The following PLSCR4 variants were observed in gnomAD, a reference collection of about 807,000 sequenced individuals.
PLSCR4 encodes the protein phospholipid scramblase 4.
PLSCR4 carries 25 observed loss-of-function variants against 36.3 expected under a neutral mutation model. That is an observed-to-expected ratio of 0.69 (90% CI 0.50 to 0.96). The LOEUF (loss-of-function observed/expected upper bound fraction) is 0.96. Among genes scored for constraint, PLSCR4 ranks in the 40% least tolerant of loss-of-function variants. The pLI is 0.00. For missense variants in PLSCR4, 408 were observed against 414.7 expected, an observed-to-expected ratio of 0.98 and a Z score of 0.14; for synonymous variants, 122 against 132.9, an observed-to-expected ratio of 0.92 and a Z score of 0.56.
chr3:146,236,906 GAAGA>G (rs1230544826), intron 1 of PLSCR4, among the ~76,000 whole-genome samples: 1 of 152,046 alleles, frequency 6.6e-6, no homozygotes, highest in Non-Finnish European at 1.5e-5. Flanking sequence ...ACACTAATAA[GAAGA>G]AAGAATGTAA....
At chr3:146,224,209 A>G (rs1432172046) in intron 1 of PLSCR4, among the ~76,000 whole-genome samples, 3 of 152,176 alleles carry the variant, frequency 2.0e-5, no homozygotes, top group Non-Finnish European at 2.9e-5. Flanking sequence ...AAGAATGAAA[A>G]CTTGCCTAAT....
At chr3:146,205,970 T>C (rs1019691514) in intron 4 of PLSCR4, among the ~76,000 whole-genome samples, 3 of 152,038 alleles carry the variant, frequency 2.0e-5, no homozygotes, top group Non-Finnish European at 2.9e-5. Flanking sequence ...TCTACATAGA[T>C]GTTAATTAGG....
intron 6 of PLSCR4, among the ~76,000 whole-genome samples, chr3:146,198,097 A>G (rs2033846996): frequency 6.6e-6 from 1 of 152,162 alleles, no homozygotes; most frequent in Admixed American, 6.6e-5. Flanking sequence ...ATACTATATG[A>G]TTCTGCTAAA....
chr3:146,209,190 G>GT (rs1028643836), intron 3 of PLSCR4, among the ~76,000 whole-genome samples: 8 of 152,054 alleles, frequency 5.3e-5, no homozygotes, highest in African/African-American at 1.9e-4. Flanking sequence ...GTTCTCACAC[G>GT]TAAGTGGGAG....
chr3:146,210,699 T>A (rs35187466), intron 3 of PLSCR4, among the ~76,000 whole-genome samples: 51,060 of 151,810 alleles, frequency 0.34, 9,018 homozygotes, highest in South Asian at 0.45. Flanking sequence ...AACCCAGAAT[T>A]TTCATCATAC....
At chr3:146,219,160 T>C (rs2035027511) in intron 3 of PLSCR4, among the ~76,000 whole-genome samples, 2 of 152,218 alleles carry the variant, frequency 1.3e-5, no homozygotes, top group South Asian at 4.1e-4. Flanking sequence ...GTCTGCACTA[T>C]AATATTTTTA....
At chr3:146,242,202 G>A (rs1022097092) in intron 1 of PLSCR4, among the ~76,000 whole-genome samples, 8 of 152,134 alleles carry the variant, frequency 5.3e-5, no homozygotes, top group Admixed American at 3.3e-4. Flanking sequence ...CATGTTGCTC[G>A]GTGGAGCTCT....
At chr3:146,210,164 GTTA>G (rs2034543846) in intron 3 of PLSCR4, among the ~76,000 whole-genome samples, 1 of 151,856 alleles carries the variant, frequency 6.6e-6, no homozygotes, top group South Asian at 2.1e-4. Flanking sequence ...TTGTTTTTGT[GTTA>G]TTTTTATTGT....
At chr3:146,213,478 C>T (rs2034730417) in intron 3 of PLSCR4, among the ~76,000 whole-genome samples, 1 of 151,712 alleles carries the variant, frequency 6.6e-6, no homozygotes, top group South Asian at 2.1e-4. Context: ...ATTACAGGCA[C>T]CTGTCAGCTA....
chr3:146,196,447 T>C, intron 7 of PLSCR4, 185 bp downstream of exon 7: 1 of 572,242 alleles, frequency 1.7e-6, no homozygotes, highest in East Asian at 2.8e-5. Context: ...AAAGCTTTCA[T>C]TTTGGAAAAC....
At chr3:146,213,424 C>T (rs1340164381) in intron 3 of PLSCR4, among the ~76,000 whole-genome samples, 5 of 148,390 alleles carry the variant, frequency 3.4e-5, no homozygotes, top group African/African-American at 9.9e-5. Flanking sequence ...TTCTGCATCC[C>T]GGGATCAAGC....
At chr3:146,208,048 T>C (rs538494612) in intron 3 of PLSCR4, among the ~76,000 whole-genome samples, 12 of 152,200 alleles carry the variant, frequency 7.9e-5, no homozygotes, top group African/African-American at 1.9e-4. Flanking sequence ...TATAAGGACA[T>C]AGTCACCAAA....
In PLSCR4 at chr3:146,194,423, T is replaced by C. The variant is rs184303479; in HGVS notation, c.978A>G (p.Gln326=). The C allele has an allele frequency of 8.7e-6, 14 of 1,607,982 alleles. No homozygotes were observed. Among genetic ancestry groups the C allele is most frequent in the Middle Eastern group, 1.7e-4 (1 of 6,038 alleles). The change falls in exon 9 of 9, where the codon CAA becomes CAG. Residue 326 remains glutamine, a synonymous_variant. Transcript: ENST00000354952. ...DFMYFERSPP[Q]RSR ...TTGCTGTGTCTCTCTATCTTGAACG[T>C]TGTGGTGGAGATCTTTCAAAATACA...
intron 3 of PLSCR4, among the ~76,000 whole-genome samples, chr3:146,219,574 T>C (rs192771982): frequency 1.3e-5 from 2 of 152,176 alleles, no homozygotes; most frequent in African/African-American, 4.8e-5. Flanking sequence ...CAGAAAACAC[T>C]GTAGGTGCAG....
intron 7 of PLSCR4, among the ~76,000 whole-genome samples, chr3:146,196,120 A>G (rs1193259547): frequency 6.6e-6 from 1 of 152,140 alleles, no homozygotes; most frequent in Non-Finnish European, 1.5e-5. Context: ...TTTTCTTTTT[A>G]TTGAAAAAAA....
chr3:146,249,517 ACTGT>A (rs1467794232), intron 1 of PLSCR4, among the ~76,000 whole-genome samples: 1 of 152,012 alleles, frequency 6.6e-6, no homozygotes, highest in Non-Finnish European at 1.5e-5. Context: ...GGTCTACTGC[ACTGT>A]CTTTTAATCA....
chr3:146,248,744 A>G (rs1381199948), intron 1 of PLSCR4, among the ~76,000 whole-genome samples: 1 of 152,144 alleles, frequency 6.6e-6, no homozygotes, highest in Non-Finnish European at 1.5e-5. Context: ...TACACTTGGG[A>G]GCATGTTTTG....
At chr3:146,219,060 C>T (rs935671253) in intron 3 of PLSCR4, among the ~76,000 whole-genome samples, 3 of 152,178 alleles carry the variant, frequency 2.0e-5, no homozygotes, top group African/African-American at 7.2e-5. Flanking sequence ...CAATTTTTGT[C>T]AGTCTTCGTA....
chr3:146,217,980 G>A (rs748051735), intron 3 of PLSCR4, among the ~76,000 whole-genome samples: 63 of 152,218 alleles, frequency 4.1e-4, no homozygotes, highest in Non-Finnish European at 7.5e-4. Context: ...GAAGGAGATG[G>A]GGAAGGGCAG....
Sources: allele counts gnomAD v4.1 joint callset (sites outside exome capture counted in the v4.1 genomes callset), GRCh38; gene constraint gnomAD v4.1.1; transcripts MANE v1.5; gene names NCBI Gene and HGNC (gene_info 2026-07-23, HGNC 2026-07-21).